FCHSD2: variants seen among roughly 807,000 people sequenced by gnomAD.
FCHSD2 encodes the protein FCH and double SH3 domains 2.
A neutral mutation model predicts 108.1 loss-of-function variants in FCHSD2; 38 were observed. The observed-to-expected ratio is 0.35, with a 90% CI of 0.27 to 0.46. The LOEUF is 0.46. Ranked by LOEUF, FCHSD2 falls within the 20% of genes least tolerant of loss-of-function variation. The probability of loss-of-function intolerance (pLI) is 1.00; values close to 1 mark genes in which losing one functional copy is unlikely to be tolerated. For synonymous variants in FCHSD2, 279 were observed against 314.7 expected, an observed-to-expected ratio of 0.89 and a Z score of 1.20; for missense variants, 751 against 897.8, an observed-to-expected ratio of 0.84 and a Z score of 2.09.
At chr11:72,902,930 C>T (rs1022538082) in intron 9 of FCHSD2, among the ~76,000 whole-genome samples, 6 of 152,062 alleles carry the variant, frequency 3.9e-5, no homozygotes, top group Non-Finnish European at 8.8e-5. Context: ...AGTTTTTACA[C>T]AAAAAGCTAT....
At chr11:72,989,906 A>G (rs1857378182) in intron 5 of FCHSD2, among the ~76,000 whole-genome samples, 1 of 152,064 alleles carries the variant, frequency 6.6e-6, no homozygotes, top group African/African-American at 2.4e-5. Flanking sequence ...AGCTCAGCAA[A>G]GCAGGAGGAG....
At chr11:72,968,126 C>A (rs1056030438) in intron 8 of FCHSD2, among the ~76,000 whole-genome samples, 2 of 151,512 alleles carry the variant, frequency 1.3e-5, no homozygotes, top group Non-Finnish European at 2.9e-5. Flanking sequence ...GAGAACAGAG[C>A]ATATAAGGCC....
At chr11:73,036,889 A>G (rs757026693) in intron 3 of FCHSD2, among the ~76,000 whole-genome samples, 2 of 152,196 alleles carry the variant, frequency 1.3e-5, no homozygotes, top group Non-Finnish European at 2.9e-5. Flanking sequence ...TTGAAATTCA[A>G]AGTTAGTGTT....
intron 10 of FCHSD2, among the ~76,000 whole-genome samples, chr11:72,892,025 T>G (rs1432935640): frequency 6.6e-6 from 1 of 152,182 alleles, no homozygotes; most frequent in African/African-American, 2.4e-5. Context: ...AAATGAAGAT[T>G]GAAGATATAT....
chr11:73,057,782 C>G (rs919154287), intron 3 of FCHSD2, among the ~76,000 whole-genome samples: 4 of 152,088 alleles, frequency 2.6e-5, no homozygotes, highest in Non-Finnish European at 5.9e-5. Flanking sequence ...CAATGTATTG[C>G]GCCCCACAGC....
chr11:72,851,366 C>T (rs1861283157), intron 13 of FCHSD2, among the ~76,000 whole-genome samples: 1 of 152,152 alleles, frequency 6.6e-6, no homozygotes, highest in Admixed American at 6.5e-5. Context: ...CGCCTCGACA[C>T]AATCTATATG....
At chr11:72,880,902 C>A (rs1472046771) in intron 12 of FCHSD2, among the ~76,000 whole-genome samples, 2 of 149,000 alleles carry the variant, frequency 1.3e-5, no homozygotes, top group African/African-American at 2.5e-5. Flanking sequence ...ACAACAACAA[C>A]AAACAAACAC....
intron 5 of FCHSD2, among the ~76,000 whole-genome samples, chr11:72,999,206 A>G (rs748127248): frequency 6.6e-6 from 1 of 152,164 alleles, no homozygotes; most frequent in Non-Finnish European, 1.5e-5. Context: ...GGTATACCCA[A>G]TATGTACTGA....
At chr11:72,940,863 T>G in intron 8 of FCHSD2, 1 of 936,608 alleles carries the variant, frequency 1.1e-6, no homozygotes, top group Non-Finnish European at 1.7e-6. Flanking sequence ...ATTGGGTTGG[T>G]GAAGATTACA....
chr11:73,129,301 G>A (rs957457806), intron 2 of FCHSD2, among the ~76,000 whole-genome samples: 8 of 152,110 alleles, frequency 5.3e-5, no homozygotes, highest in Non-Finnish European at 1.2e-4. Flanking sequence ...CCCAGGCCAC[G>A]GACCACTAAC....
chr11:73,038,547 C>CA (rs1204315137), intron 3 of FCHSD2, among the ~76,000 whole-genome samples: 1 of 152,068 alleles, frequency 6.6e-6, no homozygotes, highest in Non-Finnish European at 1.5e-5. Context: ...TCCTTTGTAG[C>CA]AACATGAATG....
chr11:73,006,723 T>C (rs1857748822), intron 4 of FCHSD2, among the ~76,000 whole-genome samples: 1 of 152,266 alleles, frequency 6.6e-6, no homozygotes, highest in Non-Finnish European at 1.5e-5. Flanking sequence ...AATTGGCATA[T>C]ATGTTTAATT....
At position 73,016,912 on chromosome 11, in the gene FCHSD2, T is replaced by C. The variant is rs1245524416; in HGVS notation, c.166-1027A>G. 2.0e-5 allele frequency among the ~76,000 whole-genome samples: 3 copies of C among 152,214 alleles called. No individual in the cohort carries two copies. The East Asian group carries it at 5.8e-4, about 29-fold the overall frequency. ...GATTTGAATTGAGAAGACCATTTTG[T>C]TAAGAATTGATTTTAAACTGCTCAT... On this transcript the variant is annotated intron_variant, in intron 3 of 19. Coordinates refer to ENST00000409418, the MANE Select transcript of FCHSD2 (RefSeq NM_014824.3).
chr11:72,850,274 A>T (rs2135170362), intron 13 of FCHSD2, among the ~76,000 whole-genome samples: 1 of 152,132 alleles, frequency 6.6e-6, no homozygotes, highest in East Asian at 1.9e-4. Context: ...CATGTTGGCC[A>T]GGCTGGTCTT....
rs114257207 is a variant in FCHSD2 at position 73,023,735 on chromosome 11, T to C, written c.166-7850A>G. 4.7e-3 allele frequency among the ~76,000 whole-genome samples: 716 copies of C among 152,336 alleles called. 5 individuals carry two copies. The highest frequency in any genetic ancestry group is 0.017 in the African/African-American group (688 of 41,576). Reference sequence around the variant, plus strand: ...AGCACAAATGCTTCTGGCAGCTTTATTGATAAACTTGGCAACAAAGATGTC... The same window carrying C: ...AGCACAAATGCTTCTGGCAGCTTTACTGATAAACTTGGCAACAAAGATGTC... On this transcript the variant is annotated intron_variant, in intron 3 of 19. Transcript: ENST00000409418.
chr11:72,858,680 C>T (rs1352128968), intron 13 of FCHSD2, among the ~76,000 whole-genome samples: 1 of 152,136 alleles, frequency 6.6e-6, no homozygotes, highest in Admixed American at 6.5e-5. Flanking sequence ...GGCTTAACAC[C>T]TGGGTGATGA....
chr11:73,009,985 T>C (rs1857827195), intron 4 of FCHSD2, among the ~76,000 whole-genome samples: 2 of 152,204 alleles, frequency 1.3e-5, no homozygotes, highest in South Asian at 4.1e-4. Context: ...TTTCATCAAA[T>C]AGATTTTTCT....
intron 4 of FCHSD2, among the ~76,000 whole-genome samples, chr11:73,003,687 C>G (rs1015129007): frequency 3.3e-5 from 5 of 151,228 alleles, no homozygotes; most frequent in Non-Finnish European, 5.9e-5. Context: ...GGGGTTTCAC[C>G]GTTTTAGCCG....
intron 9 of FCHSD2, among the ~76,000 whole-genome samples, chr11:72,915,243 AC>A (rs1173753770): frequency 6.6e-6 from 1 of 152,154 alleles, no homozygotes; most frequent in Non-Finnish European, 1.5e-5. Flanking sequence ...AATTAAAAAA[AC>A]AACGGATGCT....
Sources: gnomAD v4.1 joint callset for allele counts (sites outside exome capture counted in the v4.1 genomes callset) on GRCh38, gnomAD v4.1.1 for gene constraint, MANE v1.5 for transcripts, NCBI Gene and HGNC (gene_info 2026-07-23, HGNC 2026-07-21) for gene names.